SPMAP2: variants seen among roughly 807,000 people sequenced by gnomAD.
The protein encoded by SPMAP2 is sperm microtubule associated protein 2.
chr19:374,916 C>T, the SPMAP2 span, among the ~76,000 whole-genome samples: 1 of 152,230 alleles, frequency 6.6e-6, no homozygotes, highest in African/African-American at 2.4e-5. Flanking sequence ...TTGCTTGATG[C>T]AGCTGCTGGC....
the SPMAP2 span, chr19:371,129 G>A: frequency 5.2e-3 from 4,460 of 856,486 alleles, 143 homozygotes; most frequent in African/African-American, 0.07. Context: ...ACTCCCAAAC[G>A]CAAAGCCTCT....
At chr19:365,184 C>T in the SPMAP2 span, among the ~76,000 whole-genome samples, 2 of 152,208 alleles carry the variant, frequency 1.3e-5, no homozygotes, top group African/African-American at 4.8e-5. Context: ...TATAAACATC[C>T]ATATACTGGT....
At chr19:371,210 A>C in the SPMAP2 span, 4 of 1,452,228 alleles carry the variant, frequency 2.8e-6, no homozygotes, top group Non-Finnish European at 3.7e-6. Flanking sequence ...CCCACCTCAG[A>C]CATGGGCATG....
the SPMAP2 span, among the ~76,000 whole-genome samples, chr19:372,924 C>T: frequency 6.6e-6 from 1 of 152,210 alleles, no homozygotes; most frequent in Non-Finnish European, 1.5e-5. Flanking sequence ...CTTTCTCGGA[C>T]ACCGGATGGG....
chr19:373,874 G>A, the SPMAP2 span: 9 of 1,474,870 alleles, frequency 6.1e-6, no homozygotes, highest in East Asian at 1.2e-4. Context: ...TGGAGTGAAG[G>A]GGTCCCCTGG....
the SPMAP2 span, chr19:373,890 G>C: frequency 6.4e-7 from 1 of 1,565,068 alleles, no homozygotes; most frequent in Non-Finnish European, 8.8e-7. Context: ...CCTGGAACCT[G>C]ACACGTGTCC....
chr19:374,688 G>A, the SPMAP2 span: 1 of 517,128 alleles, frequency 1.9e-6, no homozygotes, highest in Non-Finnish European at 3.5e-6. Context: ...TGAATTGGAG[G>A]TGAGACCAGC....
chr19:375,220 G>A, the SPMAP2 span, among the ~76,000 whole-genome samples: 5,354 of 152,262 alleles, frequency 0.035, 226 homozygotes, highest in African/African-American at 0.087. Flanking sequence ...CACCCAGAAC[G>A]TGTTCCTCCC....
chr19:367,256 G>C, the SPMAP2 span: 1 of 1,562,748 alleles, frequency 6.4e-7, no homozygotes, highest in Non-Finnish European at 8.6e-7. Context: ...AGGGTTACGT[G>C]AAACAGTCCA....
the SPMAP2 span, chr19:374,360 T>G: frequency 1.2e-6 from 2 of 1,614,126 alleles, no homozygotes; most frequent in Non-Finnish European, 8.5e-7. Context: ...CTCCTCCGCC[T>G]CCTCCTCTTC....
the SPMAP2 span, among the ~76,000 whole-genome samples, chr19:362,923 T>C: frequency 6.6e-6 from 1 of 152,116 alleles, no homozygotes; most frequent in African/African-American, 2.4e-5. Context: ...GGCTGAGCCT[T>C]GAGGACAGCA....
the SPMAP2 span, among the ~76,000 whole-genome samples, chr19:365,876 G>GGC: frequency 1.3e-5 from 2 of 152,150 alleles, no homozygotes; most frequent in Admixed American, 1.3e-4. Context: ...CAGGAGCGGT[G>GGC]TCATGCCTGT....
the SPMAP2 span, among the ~76,000 whole-genome samples, chr19:369,624 C>T: frequency 6.6e-6 from 1 of 152,112 alleles, no homozygotes; most frequent in Non-Finnish European, 1.5e-5. Flanking sequence ...TGTGAAGAAG[C>T]CTAAACAGGC....
the SPMAP2 span, chr19:373,532 C>A: frequency 4.3e-6 from 7 of 1,613,150 alleles, no homozygotes; most frequent in Non-Finnish European, 5.9e-6. Flanking sequence ...CACAGAGGGC[C>A]TGGAATAAGC....
the SPMAP2 span, chr19:362,288 C>G: frequency 1.9e-6 from 3 of 1,604,436 alleles, no homozygotes; most frequent in Non-Finnish European, 1.7e-6. Flanking sequence ...CCTGTCGTAT[C>G]CCTCGTTGAG....
At chr19:371,611 C>T in the SPMAP2 span, among the ~76,000 whole-genome samples, 1 of 152,206 alleles carries the variant, frequency 6.6e-6, no homozygotes, top group African/African-American at 2.4e-5. Flanking sequence ...GCAACGTCCA[C>T]CCTCAGGTCC....
chr19:361,956 C>T, the SPMAP2 span: 1 of 352,544 alleles, frequency 2.8e-6, no homozygotes, highest in Non-Finnish European at 5.1e-6. Flanking sequence ...CCCGTGGGCC[C>T]TCAGGAATGG....
At chr19:366,176 G>T in the SPMAP2 span, among the ~76,000 whole-genome samples, 1 of 151,944 alleles carries the variant, frequency 6.6e-6, no homozygotes, top group Admixed American at 6.6e-5. Context: ...TGAGTGGGTG[G>T]AAGCCTCAAC....
chr19:371,297 G>C, the SPMAP2 span: 10 of 1,495,002 alleles, frequency 6.7e-6, no homozygotes, highest in African/African-American at 1.0e-4. Context: ...AGGGAGGACC[G>C]AGGAATGGGC....
Sources: allele counts gnomAD v4.1 joint callset (sites outside exome capture counted in the v4.1 genomes callset), GRCh38; gene constraint gnomAD v4.1.1; transcripts MANE v1.5; gene names NCBI Gene and HGNC (gene_info 2026-07-23, HGNC 2026-07-21).